The following KIDINS220 variants were observed in gnomAD, a reference collection of about 807,000 sequenced individuals.
The protein encoded by KIDINS220 is kinase D interacting substrate 220.
Under a neutral mutation model 157.6 loss-of-function variants are expected in KIDINS220, and 63 were observed. The observed-to-expected ratio is 0.40, with a 90% CI of 0.33 to 0.49. KIDINS220 has a LOEUF of 0.49. Among genes scored for constraint, KIDINS220 ranks in the 20% least tolerant of loss-of-function variants. The pLI, the probability that KIDINS220 is intolerant of heterozygous loss-of-function variation, is 0.66. For synonymous variants in KIDINS220, 732 were observed against 783.6 expected, an observed-to-expected ratio of 0.93 and a Z score of 1.10; for missense variants, 1,772 against 2,171.2, an observed-to-expected ratio of 0.82 and a Z score of 3.65.
At chr2:8,775,828 T>G (rs893294292) in intron 21 of KIDINS220, among the ~76,000 whole-genome samples, 2 of 152,178 alleles carry the variant, frequency 1.3e-5, no homozygotes, top group Non-Finnish European at 2.9e-5. Context: ...GAAGGCCATC[T>G]CCTGTTTACA....
chr2:8,836,756 C>T (rs1425473244), intron 1 of KIDINS220, among the ~76,000 whole-genome samples: 2 of 152,176 alleles, frequency 1.3e-5, no homozygotes, highest in East Asian at 3.8e-4. Context: ...CCGAGCCACA[C>T]CTCAGGCCGA....
chr2:8,809,074 A>C (rs529719545), intron 6 of KIDINS220, among the ~76,000 whole-genome samples: 1 of 152,118 alleles, frequency 6.6e-6, no homozygotes, highest in East Asian at 1.9e-4. Flanking sequence ...ACTGGAGTGC[A>C]GTGGCACAAT....
intron 22 of KIDINS220, among the ~76,000 whole-genome samples, chr2:8,759,114 A>G (rs1182114743): frequency 6.6e-6 from 1 of 152,222 alleles, no homozygotes; most frequent in Admixed American, 6.5e-5. Context: ...TAACTACACT[A>G]GGAAACAACG....
chr2:8,761,590 G>C (rs577246018), intron 22 of KIDINS220, among the ~76,000 whole-genome samples: 6 of 151,344 alleles, frequency 4.0e-5, no homozygotes, highest in African/African-American at 1.5e-4. Flanking sequence ...GTGATTCTCA[G>C]TGCTGAAAAA....
chr2:8,738,635 C>T (rs1665214584), intron 26 of KIDINS220, among the ~76,000 whole-genome samples: 1 of 152,144 alleles, frequency 6.6e-6, no homozygotes, highest in East Asian at 1.9e-4. Context: ...GGACGTTCTA[C>T]AAAATAACTA....
chr2:8,778,545 A>G, intron 20 of KIDINS220, 94 bp downstream of exon 20: 1 of 876,642 alleles, frequency 1.1e-6, no homozygotes, highest in South Asian at 1.3e-5. Flanking sequence ...GTTTAATGCA[A>G]TATTTACAAA....
chr2:8,822,396 G>A (rs1363587152), intron 2 of KIDINS220, among the ~76,000 whole-genome samples: 1 of 152,140 alleles, frequency 6.6e-6, no homozygotes, highest in Non-Finnish European at 1.5e-5. Context: ...GGCTGAGGCA[G>A]GTGGATCACT....
At chr2:8,752,601 C>T (rs781409051) in intron 22 of KIDINS220, among the ~76,000 whole-genome samples, 2 of 152,026 alleles carry the variant, frequency 1.3e-5, no homozygotes, top group Non-Finnish European at 1.5e-5. Context: ...CACACAACTA[C>T]GAAAGCAAAT....
intron 20 of KIDINS220, 23 bp from the exon 21 acceptor site, chr2:8,776,915 A>T: frequency 6.2e-7 from 1 of 1,611,616 alleles, no homozygotes; most frequent in Non-Finnish European, 8.5e-7. Flanking sequence ...GTCGTCAGTG[A>T]GAAGGAACCC....
At position 8,750,265 on chromosome 2, in the gene KIDINS220, A is replaced by G; in HGVS notation, c.3261T>C (p.Gly1087=). ...TGTACCCTGATGGCGCCCTAGGAGGACCCTCATGTAGAGGGAGCGGGGGGT... is the reference window on the plus strand; with the variant it reads ...TGTACCCTGATGGCGCCCTAGGAGGGCCCTCATGTAGAGGGAGCGGGGGGT... ...LAYPPLPLHE[G]PPRAPSGYSQ... The change falls in exon 24 of 30, where the codon GGT becomes GGC. Residue 1087 remains glycine (G), a synonymous_variant. Transcript: ENST00000256707. 6.2e-7 allele frequency: 1 copy of G among 1,613,794 alleles called. No individual in the cohort carries two copies. Among genetic ancestry groups the G allele is most frequent in the Non-Finnish European group, 8.5e-7 (1 of 1,179,874 alleles).
In KIDINS220 at chr2:8,733,457, T is replaced by C. The variant is rs1161074598; in HGVS notation, c.4040A>G (p.Asn1347Ser). Residue 1347 changes from asparagine to serine, a missense_variant, in exon 29 of 30, where the codon AAT (asparagine) becomes AGT (serine). Around this residue, in one of 3 missense-constraint regions of KIDINS220, gnomAD observed 793 missense variants for 885.5 expected, o/e 0.90. Coordinates refer to ENST00000256707, the MANE Select transcript of KIDINS220 (RefSeq NM_020738.4). ...GLDEGAPRHS[N>S]LSWQSQTRRT... is the part of the protein sequence containing the mutation. ...TTCAATAAATACCTGCCAACTTAGA[T>C]TACTGTGACGAGGGGCACCTTCATC... 3 of 1,613,434 alleles carry C rather than the reference T, an allele frequency of 1.9e-6. No individual in the cohort carries two copies. Among genetic ancestry groups the C allele is most frequent in the Middle Eastern group, 3.3e-4 (2 of 6,062 alleles).
chr2:8,778,035 G>C (rs902300786), intron 20 of KIDINS220, among the ~76,000 whole-genome samples: 2 of 152,168 alleles, frequency 1.3e-5, no homozygotes, highest in African/African-American at 4.8e-5. Context: ...CTGAGTGTGA[G>C]TGGCACTGTC....
intron 7 of KIDINS220, among the ~76,000 whole-genome samples, chr2:8,803,534 C>T (rs750631157): frequency 1.5e-4 from 23 of 151,990 alleles, no homozygotes; most frequent in Non-Finnish European, 3.4e-4. Context: ...GTGAATCAGA[C>T]TTCAAGAATT....
intron 15 of KIDINS220, among the ~76,000 whole-genome samples, chr2:8,786,987 C>T (rs912092805): frequency 6.6e-6 from 1 of 151,840 alleles, no homozygotes; most frequent in Admixed American, 6.6e-5. Flanking sequence ...TAGTTCCTTT[C>T]TCCCTTCCAT....
intron 1 of KIDINS220, among the ~76,000 whole-genome samples, chr2:8,830,468 G>A (rs902138623): frequency 1.3e-5 from 2 of 152,130 alleles, no homozygotes; most frequent in Non-Finnish European, 2.9e-5. Context: ...ACTCAGACTG[G>A]AGTGCAGTAG....
chr2:8,755,287 T>A (rs7593858), intron 22 of KIDINS220, among the ~76,000 whole-genome samples: 1 of 152,200 alleles, frequency 6.6e-6, no homozygotes, highest in Non-Finnish European at 1.5e-5. Flanking sequence ...GACCAACTTA[T>A]GTTCCTTCAT....
At chr2:8,747,826 C>T in intron 25 of KIDINS220, 61 bp downstream of exon 25, 3 of 1,097,436 alleles carry the variant, frequency 2.7e-6, no homozygotes, top group Non-Finnish European at 3.9e-6. Flanking sequence ...ATAACCAAAC[C>T]TCAAATGCTA....
intron 1 of KIDINS220, among the ~76,000 whole-genome samples, chr2:8,834,306 T>C (rs911015920): frequency 1.3e-5 from 2 of 151,962 alleles, no homozygotes; most frequent in African/African-American, 2.4e-5. Context: ...TTGCTTGATC[T>C]ATTCCACCCC....
chr2:8,725,616 GA>G (rs1663233243), downstream of KIDINS220: 1 of 152,204 alleles, frequency 6.6e-6, no homozygotes, highest in Admixed American at 6.5e-5. Flanking sequence ...GAAGAAATGA[GA>G]AAAGTGCTTG....
Sources: allele counts gnomAD v4.1 joint callset (sites outside exome capture counted in the v4.1 genomes callset), GRCh38; gene constraint gnomAD v4.1.1; regional missense constraint gnomAD v4.1.1; transcripts MANE v1.5; gene names NCBI Gene and HGNC (gene_info 2026-07-23, HGNC 2026-07-21).